Variants in OPCML observed in about 807,000 individuals in gnomAD.
OPCML encodes opioid binding protein/cell adhesion molecule like.
In OPCML, 13 loss-of-function variants were observed where a neutral mutation model predicts 37.8. The observed-to-expected ratio is 0.34, with a 90% confidence interval of 0.22 to 0.55. The LOEUF (loss-of-function observed/expected upper bound fraction) is 0.55, where lower values mean the gene tolerates loss of function less well. OPCML is among the 20% of genes least tolerant of loss of function. The pLI, the probability that OPCML is intolerant of heterozygous loss-of-function variation, is 0.91. For synonymous variants in OPCML, 176 were observed against 168.8 expected, an observed-to-expected ratio of 1.04 and a Z score of -0.33; for missense variants, 341 against 435.6, an observed-to-expected ratio of 0.78 and a Z score of 1.93.
intron 2 of OPCML, among the ~76,000 whole-genome samples, chr11:132,885,272 C>CTCT (rs1943367190): frequency 4.6e-5 from 7 of 152,174 alleles, no homozygotes; most frequent in Non-Finnish European, 8.8e-5. Context: ...GGCTGCAAAA[C>CTCT]ACAATATGGG....
At chr11:132,799,780 G>A (rs1443236228) in intron 2 of OPCML, among the ~76,000 whole-genome samples, 1 of 152,016 alleles carries the variant, frequency 6.6e-6, no homozygotes. Context: ...AATGAAGGAT[G>A]CCTGTTTATG....
At chr11:132,835,216 C>T (rs11821334) in intron 2 of OPCML, among the ~76,000 whole-genome samples, 1 of 152,290 alleles carries the variant, frequency 6.6e-6, no homozygotes, top group Non-Finnish European at 1.5e-5. Flanking sequence ...GTTTCATATT[C>T]TCTGGCCATG....
chr11:133,193,318 G>A (rs1371119664), intron 1 of OPCML, among the ~76,000 whole-genome samples: 1 of 152,154 alleles, frequency 6.6e-6, no homozygotes, highest in Non-Finnish European at 1.5e-5. Context: ...GTGAGTAAAA[G>A]CATCTCCCGC....
At chr11:133,374,764 C>G (rs1000220483) in intron 1 of OPCML, among the ~76,000 whole-genome samples, 4 of 152,112 alleles carry the variant, frequency 2.6e-5, no homozygotes, top group Non-Finnish European at 5.9e-5. Context: ...ATCTAATTCC[C>G]CATATGAACT....
intron 1 of OPCML, among the ~76,000 whole-genome samples, chr11:132,974,135 T>G (rs907947138): frequency 6.6e-6 from 1 of 152,236 alleles, no homozygotes; most frequent in Non-Finnish European, 1.5e-5. Flanking sequence ...TAATAAGCAT[T>G]TCTTGCCTTT....
At chr11:132,573,655 G>C (rs891387647) in intron 3 of OPCML, among the ~76,000 whole-genome samples, 7 of 152,006 alleles carry the variant, frequency 4.6e-5, no homozygotes, top group African/African-American at 1.7e-4. Context: ...GAGGATTTTT[G>C]CATCTATATT....
At chr11:132,948,161 A>G (rs1218506033) in intron 1 of OPCML, among the ~76,000 whole-genome samples, 4 of 152,234 alleles carry the variant, frequency 2.6e-5, no homozygotes, top group Non-Finnish European at 5.9e-5. Flanking sequence ...AAGGCTGGTA[A>G]GAAGACAGAC....
chr11:132,912,252 T>C (rs1164648315), intron 2 of OPCML, among the ~76,000 whole-genome samples: 1 of 152,222 alleles, frequency 6.6e-6, no homozygotes, highest in Non-Finnish European at 1.5e-5. Flanking sequence ...GAAACTGTGA[T>C]GATAAAATAT....
intron 1 of OPCML, among the ~76,000 whole-genome samples, chr11:133,016,971 T>G (rs1026873169): frequency 4.3e-4 from 65 of 152,332 alleles, no homozygotes; most frequent in African/African-American, 1.5e-3. Flanking sequence ...AAATATGTGT[T>G]TTTAACAAGC....
intron 1 of OPCML, among the ~76,000 whole-genome samples, chr11:133,096,198 G>A (rs1354344769): frequency 1.3e-5 from 2 of 151,504 alleles, no homozygotes; most frequent in East Asian, 1.9e-4. Context: ...TACAATGGAT[G>A]GGGAATAAAT....
intron 2 of OPCML, among the ~76,000 whole-genome samples, chr11:132,758,462 C>T (rs147024835): frequency 0.011 from 1,606 of 151,934 alleles, 13 homozygotes; most frequent in Middle Eastern, 0.031. Flanking sequence ...CGTTTGTGTC[C>T]TCTCTTATTT....
In OPCML at chr11:132,436,759, C is replaced by A; in HGVS notation, c.664G>T (p.Ala222Ser). Reference sequence around the variant, plus strand: ...CCGACTGAAACACCAGTGTTCTTGGCTTTTGAGATATAGGGAGGATCTGTG... The same window carrying A: ...CCGACTGAAACACCAGTGTTCTTGGATTTTGAGATATAGGGAGGATCTGTG... ...TVNYPPYISK[A>S]KNTGVSVGQK... The change falls in exon 6 of 8, where the codon GCC becomes TCC. Residue 222 changes from alanine to serine, a missense_variant. Transcript: ENST00000524381. 1 of 1,614,096 alleles carries A rather than the reference C, an allele frequency of 6.2e-7. No individual in the cohort carries two copies. The highest frequency in any genetic ancestry group is 8.5e-7 in the Non-Finnish European group (1 of 1,180,024).
intron 1 of OPCML, among the ~76,000 whole-genome samples, chr11:133,403,959 T>C (rs1160231129): frequency 1.3e-5 from 2 of 152,216 alleles, no homozygotes; most frequent in Non-Finnish European, 2.9e-5. Context: ...TTACCATAAG[T>C]AGTGTTGCTT....
chr11:132,850,057 T>G (rs1941734035), intron 2 of OPCML, among the ~76,000 whole-genome samples: 1 of 152,186 alleles, frequency 6.6e-6, no homozygotes, highest in Non-Finnish European at 1.5e-5. Flanking sequence ...AGACAAACTT[T>G]CCTGTACCAA....
At chr11:133,386,840 C>T (rs946679943) in intron 1 of OPCML, among the ~76,000 whole-genome samples, 2 of 152,184 alleles carry the variant, frequency 1.3e-5, no homozygotes, top group East Asian at 1.9e-4. Flanking sequence ...CAGCCCCACA[C>T]GGCAGCAGGG....
chr11:132,546,309 G>T (rs1367430169), intron 3 of OPCML, among the ~76,000 whole-genome samples: 7 of 151,966 alleles, frequency 4.6e-5, no homozygotes, highest in East Asian at 1.9e-4. Context: ...ATAGGTTTTG[G>T]GGGGGAACAG....
intron 4 of OPCML, among the ~76,000 whole-genome samples, chr11:132,482,232 G>C (rs1296917451): frequency 1.3e-5 from 2 of 151,926 alleles, no homozygotes; most frequent in African/African-American, 2.4e-5. Context: ...AAATGATAAA[G>C]GGGATATCAC....
chr11:133,209,373 A>C (rs1939255465), intron 1 of OPCML, among the ~76,000 whole-genome samples: 2 of 152,204 alleles, frequency 1.3e-5, no homozygotes, highest in Admixed American at 1.3e-4. Flanking sequence ...CATCACACAT[A>C]AGAAAAGGCA....
At chr11:132,916,624 T>C (rs1201210894) in intron 2 of OPCML, among the ~76,000 whole-genome samples, 2 of 152,146 alleles carry the variant, frequency 1.3e-5, no homozygotes, top group African/African-American at 4.8e-5. Context: ...ACGTAGAGCT[T>C]TGGCGGCTGA....
Sources: gnomAD v4.1 joint callset for allele counts (sites outside exome capture counted in the v4.1 genomes callset) on GRCh38, gnomAD v4.1.1 for gene constraint, MANE v1.5 for transcripts, NCBI Gene and HGNC (gene_info 2026-07-23, HGNC 2026-07-21) for gene names.